DOK5: variants seen among roughly 807,000 people sequenced by gnomAD.
DOK5 encodes downstream of tyrosine kinase 5.
DOK5 carries 27 observed loss-of-function variants against 43.3 expected under a neutral mutation model. The ratio of observed to expected loss-of-function variants is 0.62; its 90% confidence interval spans 0.46 to 0.86. The LOEUF (loss-of-function observed/expected upper bound fraction) is 0.86. Ranked by LOEUF, DOK5 falls within the 40% of genes least tolerant of loss-of-function variation. The probability of loss-of-function intolerance (pLI) is 0.00; values close to 1 mark genes in which losing one functional copy is unlikely to be tolerated. For missense variants in DOK5, 373 were observed against 392.9 expected (o/e 0.95, Z 0.43); for synonymous variants, 146 against 140.1 (o/e 1.04, Z -0.30).
At chr20:54,583,552 A>G (rs1266308932) in intron 2 of DOK5, among the ~76,000 whole-genome samples, 2 of 151,982 alleles carry the variant, frequency 1.3e-5, no homozygotes, top group African/African-American at 4.8e-5. Flanking sequence ...TACTTCATAT[A>G]TTTGGTTGCT....
chr20:54,584,722 T>TGC (rs1985749941), intron 2 of DOK5, among the ~76,000 whole-genome samples: 1 of 148,274 alleles, frequency 6.7e-6, no homozygotes, highest in Non-Finnish European at 1.5e-5. Context: ...CTCGTGTGTG[T>TGC]GTGTATATAT....
At chr20:54,503,649 A>T (rs1034981620) in intron 1 of DOK5, among the ~76,000 whole-genome samples, 4 of 152,142 alleles carry the variant, frequency 2.6e-5, no homozygotes, top group Non-Finnish European at 5.9e-5. Flanking sequence ...ATTATTTTCC[A>T]TGAGTAGAAG....
chr20:54,545,346 C>G (rs1449107797), intron 1 of DOK5, among the ~76,000 whole-genome samples: 2 of 152,156 alleles, frequency 1.3e-5, no homozygotes, highest in Non-Finnish European at 2.9e-5. Flanking sequence ...TCAACCCACA[C>G]CATTTTCTGT....
intron 1 of DOK5, among the ~76,000 whole-genome samples, chr20:54,516,782 A>G (rs1246802408): frequency 6.6e-6 from 1 of 152,226 alleles, no homozygotes; most frequent in Non-Finnish European, 1.5e-5. Flanking sequence ...GAGAATATAG[A>G]AGTTGAATTT....
intron 6 of DOK5, among the ~76,000 whole-genome samples, chr20:54,641,654 T>C (rs4334548): frequency 0.81 from 123,127 of 151,934 alleles, 50,116 homozygotes; most frequent in East Asian, 1. Context: ...ATCAAACTCT[T>C]ATACTTTCCA....
At chr20:54,565,633 ATGTATATT>A (rs1985067707) in intron 2 of DOK5, among the ~76,000 whole-genome samples, 3 of 152,182 alleles carry the variant, frequency 2.0e-5, no homozygotes, top group Non-Finnish European at 4.4e-5. Flanking sequence ...CATAATCTAC[ATGTATATT>A]TGTTTACTGC....
chr20:54,526,865 T>C (rs1983594451), intron 1 of DOK5, among the ~76,000 whole-genome samples: 1 of 152,190 alleles, frequency 6.6e-6, no homozygotes, highest in South Asian at 2.1e-4. Context: ...TGGAGATGCT[T>C]TAAGATCAAT....
In DOK5 at chr20:54,651,117, T is replaced by C. The variant is rs1181209626; in HGVS notation, c.*638T>C. 1 of 152,240 alleles carries C rather than the reference T, an allele frequency of 6.6e-6. No individual in the cohort carries two copies. Among genetic ancestry groups the C allele is most frequent in the Non-Finnish European group, 1.5e-5 (1 of 68,068 alleles). 9.4% of individuals were successfully genotyped at this position (152,240 alleles called of 1,614,324 possible). On this transcript the variant is annotated 3_prime_UTR_variant, in exon 8 of 8. Coordinates refer to ENST00000262593, the MANE Select transcript of DOK5 (RefSeq NM_018431.5). The stretch of plus-strand genomic sequence containing the variant: ...CCCCCCTTTTTGAAAGCCTTTATTT[T>C]GTTCGGAGTCTCTTCATAAAACATT...
At chr20:54,537,392 G>C (rs531696345) in intron 1 of DOK5, among the ~76,000 whole-genome samples, 1 of 152,272 alleles carries the variant, frequency 6.6e-6, no homozygotes, top group African/African-American at 2.4e-5. Context: ...AGAGGTGATA[G>C]AATTATCTGA....
rs752227134 is a variant in DOK5 at position 54,643,479 on chromosome 20, C to G, written c.757C>G (p.Arg253Gly). The G allele has an allele frequency of 6.2e-7, 1 of 1,613,460 alleles. No individual in the cohort carries two copies. The highest frequency in any genetic ancestry group is 1.6e-4 in the Middle Eastern group (1 of 6,062). The change falls in exon 7 of 8, where the codon CGG becomes GGG. Residue 253 changes from arginine (R) to glycine (G), a missense_variant. Transcript: ENST00000262593. ...GCAGCTCCAGATGAAGATGAGTGAG[C>G]GGGCCGCCTCGCTGAGCACCATGGT... ...NSMLQMKMSERAASLSTMVPL... is the reference protein window; with the variant it reads ...NSMLQMKMSEGAASLSTMVPL...
rs1248327864 is a variant in DOK5 at position 54,475,923 on chromosome 20, A to G, written c.-24A>G. Reference sequence around the variant, plus strand: ...ACTTCGGGTGCGCGCTCTTGGGTAAAGGGGGGGTCACCGGCTGTCTGGGAT... The same window carrying G: ...ACTTCGGGTGCGCGCTCTTGGGTAAGGGGGGGGTCACCGGCTGTCTGGGAT... On this transcript the variant is annotated 5_prime_UTR_variant, in exon 1 of 8. Coordinates refer to ENST00000262593, the MANE Select transcript of DOK5 (RefSeq NM_018431.5). The surrounding 1 kb of genome is among the most constrained non-coding windows in gnomAD (Gnocchi z 4.2). The G allele has an allele frequency of 8.1e-6, 13 of 1,612,126 alleles. No homozygotes were observed. The highest frequency in any genetic ancestry group is 1.3e-5 in the African/African-American group (1 of 74,924).
intron 6 of DOK5, among the ~76,000 whole-genome samples, chr20:54,614,542 G>A (rs1216042761): frequency 1.1e-4 from 17 of 152,106 alleles, no homozygotes; most frequent in African/African-American, 2.9e-4. Flanking sequence ...CTTGAAAGGC[G>A]GGTTCTGCAT....
intron 1 of DOK5, among the ~76,000 whole-genome samples, chr20:54,495,615 G>T (rs185851628): frequency 6.6e-6 from 1 of 152,216 alleles, no homozygotes; most frequent in African/African-American, 2.4e-5. Context: ...AAGTGGCTGG[G>T]CGCAGTGGCT....
intron 1 of DOK5, among the ~76,000 whole-genome samples, chr20:54,508,816 G>A (rs541375234): frequency 8.9e-4 from 136 of 152,132 alleles, no homozygotes; most frequent in Non-Finnish European, 1.7e-3. Context: ...CTGACCTCAG[G>A]TGATCTGCAC....
chr20:54,574,342 C>T (rs1434899472), intron 2 of DOK5, among the ~76,000 whole-genome samples: 2 of 152,142 alleles, frequency 1.3e-5, no homozygotes, highest in East Asian at 3.9e-4. Context: ...AGCCAGCTGG[C>T]TATTTCTGCT....
intron 1 of DOK5, among the ~76,000 whole-genome samples, chr20:54,554,618 T>G (rs1386390070): frequency 6.6e-6 from 1 of 152,252 alleles, no homozygotes; most frequent in Non-Finnish European, 1.5e-5. Context: ...GTTCCTTGAA[T>G]GCCTATTTTA....
chr20:54,568,161 G>A (rs1985156188), intron 2 of DOK5, among the ~76,000 whole-genome samples: 1 of 152,082 alleles, frequency 6.6e-6, no homozygotes, highest in Non-Finnish European at 1.5e-5. Flanking sequence ...TTTTTTGTTA[G>A]CTTAGTTATA....
In DOK5 at chr20:54,583,875, A is replaced by G. The variant is rs188658300; in HGVS notation, c.175-4608A>G. Among the ~76,000 whole-genome samples the G allele has an allele frequency of 1.2e-3, 179 of 152,142 alleles. 1 individual carries two copies. Among genetic ancestry groups the G allele is most frequent in the South Asian group, 6.2e-3 (30 of 4,820 alleles). ...TAAGCTATCTCCATTTAAAGTAATT[A>G]CTGCACCAGGCATAGTGGCTCATAC... On this transcript the variant is annotated intron_variant, in intron 2 of 7. Transcript: ENST00000262593.
chr20:54,478,295 T>C (rs1981516688), intron 1 of DOK5, among the ~76,000 whole-genome samples: 2 of 152,236 alleles, frequency 1.3e-5, no homozygotes, highest in Non-Finnish European at 2.9e-5. Context: ...TGAAGGATGC[T>C]GTACGGAATT....
Sources: allele counts gnomAD v4.1 joint callset (sites outside exome capture counted in the v4.1 genomes callset), GRCh38; gene constraint gnomAD v4.1.1; non-coding constraint Gnocchi (gnomAD v3.1); transcripts MANE v1.5; gene names NCBI Gene and HGNC (gene_info 2026-07-23, HGNC 2026-07-21).